CACNG3: variants seen among roughly 807,000 people sequenced by gnomAD.
CACNG3 encodes the protein voltage-dependent calcium channel gamma-3 subunit.
A neutral mutation model predicts 28.5 loss-of-function variants in CACNG3; 3 were observed. The observed-to-expected ratio is 0.11, with a 90% CI of 0.05 to 0.27. The LOEUF (loss-of-function observed/expected upper bound fraction) is 0.27, where lower values mean the gene tolerates loss of function less well. Ranked by LOEUF, CACNG3 falls within the 10% of genes least tolerant of loss-of-function variation. CACNG3 has a pLI of 1.00. For synonymous variants in CACNG3, 174 were observed against 162.2 expected (o/e 1.07, Z -0.55); for missense variants, 236 against 414.4 (o/e 0.57, Z 3.74).
At chr16:24,298,631 C>G (rs1899064845) in intron 1 of CACNG3, among the ~76,000 whole-genome samples, 1 of 152,156 alleles carries the variant, frequency 6.6e-6, no homozygotes, top group Admixed American at 6.5e-5. Context: ...AACTAATGGA[C>G]CAGCATTGAC....
At chr16:24,267,449 A>G (rs11648782) in intron 1 of CACNG3, among the ~76,000 whole-genome samples, 42,711 of 151,794 alleles carry the variant, frequency 0.28, 6,350 homozygotes, top group African/African-American at 0.36. Context: ...CACCATGCCC[A>G]GCTATTTTTA....
intron 1 of CACNG3, among the ~76,000 whole-genome samples, chr16:24,311,844 C>T (rs1466322455): frequency 6.6e-6 from 1 of 152,178 alleles, no homozygotes; most frequent in Non-Finnish European, 1.5e-5. Flanking sequence ...AGCAAGACTC[C>T]ATCTCAAAAA....
At chr16:24,293,699 C>G (rs971904926) in intron 1 of CACNG3, among the ~76,000 whole-genome samples, 1 of 152,088 alleles carries the variant, frequency 6.6e-6, no homozygotes, top group Non-Finnish European at 1.5e-5. Flanking sequence ...GTTAAATAGC[C>G]TGAAACTGAG....
intron 3 of CACNG3, among the ~76,000 whole-genome samples, chr16:24,359,100 T>C (rs1358945360): frequency 1.3e-5 from 2 of 152,192 alleles, no homozygotes; most frequent in East Asian, 3.9e-4. Flanking sequence ...AAGACCTTCT[T>C]TGGGGACTTT....
intron 1 of CACNG3, among the ~76,000 whole-genome samples, chr16:24,317,554 AAAAG>A (rs1202219518): frequency 0.044 from 3,766 of 85,186 alleles, 223 homozygotes; most frequent in Middle Eastern, 0.062. Flanking sequence ...AAAAAAAAGA[AAAAG>A]AAAGAAAGAA....
chr16:24,323,797 T>C (rs1402571781), intron 1 of CACNG3, among the ~76,000 whole-genome samples: 1 of 152,108 alleles, frequency 6.6e-6, no homozygotes, highest in Non-Finnish European at 1.5e-5. Context: ...TGAGGCAGAG[T>C]GTCACTGTGG....
chr16:24,304,570 G>T (rs1899159138), intron 1 of CACNG3, among the ~76,000 whole-genome samples: 1 of 152,044 alleles, frequency 6.6e-6, no homozygotes, highest in Non-Finnish European at 1.5e-5. Flanking sequence ...ACAGACTGGG[G>T]TATTTGGTTT....
At chr16:24,338,879 C>T (rs919930716) in intron 1 of CACNG3, among the ~76,000 whole-genome samples, 4 of 152,326 alleles carry the variant, frequency 2.6e-5, no homozygotes, top group East Asian at 1.9e-4. Flanking sequence ...CCTCTAAACA[C>T]CTTGAGCTAC....
intron 3 of CACNG3, among the ~76,000 whole-genome samples, chr16:24,355,836 AT>A (rs1231305906): frequency 6.6e-6 from 1 of 152,102 alleles, no homozygotes; most frequent in African/African-American, 2.4e-5. Flanking sequence ...AAATCCTCAT[AT>A]CATTCCAAGC....
chr16:24,335,018 C>G (rs1899683194), intron 1 of CACNG3, among the ~76,000 whole-genome samples: 1 of 152,250 alleles, frequency 6.6e-6, no homozygotes, highest in African/African-American at 2.4e-5. Flanking sequence ...TGTTAACCCT[C>G]TTCCCAGTGC....
intron 1 of CACNG3, among the ~76,000 whole-genome samples, chr16:24,326,738 C>T (rs190254666): frequency 6.6e-6 from 1 of 152,242 alleles, no homozygotes; most frequent in Admixed American, 6.5e-5. Context: ...TCTGCACAGG[C>T]TGAAGAGGGA....
intron 1 of CACNG3, among the ~76,000 whole-genome samples, chr16:24,267,751 C>G (rs145268088): frequency 1.1e-3 from 161 of 152,262 alleles, no homozygotes; most frequent in Non-Finnish European, 1.2e-3. Flanking sequence ...CTCACTGCAA[C>G]CTCCGCCTCC....
In CACNG3 at chr16:24,256,877, G is replaced by C; in HGVS notation, c.123G>C (p.Arg41Ser). 1 of 1,613,864 alleles carries C rather than the reference G, an allele frequency of 6.2e-7. No homozygotes were observed. The highest frequency in any genetic ancestry group is 8.5e-7 in the Non-Finnish European group (1 of 1,179,734). The change falls in exon 1 of 4, where the codon AGG becomes AGC. Residue 41 changes from arginine (R) to serine (S), a missense_variant. Around this residue, in one of 2 missense-constraint regions of CACNG3, gnomAD observed 120 missense variants for 263.4 expected, o/e 0.46. Transcript: ENST00000005284. This position sits in a 1 kb window ranked among gnomAD's most constrained non-coding sequence, Gnocchi z 4.6. ...DYWLYSRGVC[R>S]TKSTSDNETS... Reference sequence around the variant, plus strand: ...GGTTATATTCCAGAGGTGTGTGCAGGACTAAATCTACAAGTGATAATGAAA... The same window carrying C: ...GGTTATATTCCAGAGGTGTGTGCAGCACTAAATCTACAAGTGATAATGAAA...
At chr16:24,309,445 G>C (rs4787981) in intron 1 of CACNG3, among the ~76,000 whole-genome samples, 4 of 152,056 alleles carry the variant, frequency 2.6e-5, no homozygotes. Context: ...TTTCCAGCAT[G>C]AGAGAGCCAC....
intron 1 of CACNG3, among the ~76,000 whole-genome samples, chr16:24,342,138 C>T (rs1596649405): frequency 1.3e-5 from 2 of 151,938 alleles, no homozygotes; most frequent in South Asian, 2.1e-4. Flanking sequence ...CATGGTGGCA[C>T]GCGCCTGTAA....
At chr16:24,346,985 AAGCCTCTTT>A (rs1396573560) in intron 2 of CACNG3, among the ~76,000 whole-genome samples, 168 bp downstream of exon 2, 1 of 152,144 alleles carries the variant, frequency 6.6e-6, no homozygotes, top group African/African-American at 2.4e-5. Context: ...TCTGAGAGCT[AAGCCTCTTT>A]AGTTTCAATG....
chr16:24,298,138 A>T (rs1899057386), intron 1 of CACNG3, among the ~76,000 whole-genome samples: 1 of 152,228 alleles, frequency 6.6e-6, no homozygotes, highest in South Asian at 2.1e-4. Context: ...TATCCCAAAG[A>T]TAAACCCCTT....
chr16:24,355,790 A>C lies in CACNG3; in HGVS notation c.436+817A>C, dbSNP rs573570983. 2.6e-5 allele frequency among the ~76,000 whole-genome samples: 4 copies of C among 152,188 alleles called. No individual in the cohort carries two copies. In the East Asian group the frequency reaches 5.8e-4, roughly 22 times the overall value. The stretch of plus-strand genomic sequence containing the variant: ...CACCCTGCAAAGTTTGAAAGTCATC[A>C]CGAGAGTCCAGCCCCATCCAGCTTT... On this transcript the variant is annotated intron_variant, in intron 3 of 3. Transcript: ENST00000005284.
intron 1 of CACNG3, among the ~76,000 whole-genome samples, chr16:24,303,488 C>T (rs1318980638): frequency 6.6e-6 from 1 of 152,078 alleles, no homozygotes; most frequent in East Asian, 1.9e-4. Flanking sequence ...CTGAACCTGT[C>T]CTAAGGTTCT....
Sources: gnomAD v4.1 joint callset for allele counts (sites outside exome capture counted in the v4.1 genomes callset) on GRCh38, gnomAD v4.1.1 for gene constraint, gnomAD v4.1.1 regional missense constraint, Gnocchi (gnomAD v3.1) non-coding constraint, MANE v1.5 for transcripts, NCBI Gene and HGNC (gene_info 2026-07-23, HGNC 2026-07-21) for gene names.